ZNF654: variants seen among roughly 807,000 people sequenced by gnomAD.
ZNF654 encodes zinc finger protein 654.
In ZNF654, 19 loss-of-function variants were observed where a neutral mutation model predicts 95.3. The ratio of observed to expected loss-of-function variants is 0.20; its 90% confidence interval spans 0.14 to 0.29. The LOEUF (loss-of-function observed/expected upper bound fraction) is 0.29, where lower values mean the gene tolerates loss of function less well. Among genes scored for constraint, ZNF654 ranks in the 10% least tolerant of loss-of-function variants. ZNF654 has a pLI of 1.00. For synonymous variants in ZNF654, 413 were observed against 457.9 expected (o/e 0.90, Z 1.25); for missense variants, 1,046 against 1,341.0 (o/e 0.78, Z 3.44).
intron 1 of ZNF654, among the ~76,000 whole-genome samples, chr3:88,063,199 T>G (rs1025132191): frequency 6.6e-6 from 1 of 152,208 alleles, no homozygotes; most frequent in African/African-American, 2.4e-5. Flanking sequence ...GTGCACAGGA[T>G]GGCTCTAACA....
chr3:88,083,048 C>T (rs1439524942), intron 1 of ZNF654, among the ~76,000 whole-genome samples: 1 of 151,796 alleles, frequency 6.6e-6, no homozygotes, highest in Non-Finnish European at 1.5e-5. Flanking sequence ...CCTCACTCCT[C>T]CTCCCTCTTC....
At position 88,129,704 on chromosome 3, in the gene ZNF654, T is replaced by C. The variant is rs1706334000; in HGVS notation, c.771T>C (p.Asp257=). 1 of 1,498,580 alleles carries C rather than the reference T, an allele frequency of 6.7e-7. No individual in the cohort carries two copies. Among genetic ancestry groups the C allele is most frequent in the East Asian group, 2.5e-5 (1 of 40,526 alleles). 92.8% of individuals were successfully genotyped at this position (1,498,580 alleles called of 1,614,324 possible). A position where few individuals can be genotyped will look rare whatever the true frequency, so the allele number is the denominator to read the frequency against. ...TCTTACAGCATTTATTGAAAACTGATTGTAAGAGTGGAATTGATATCATCT... is the reference window on the plus strand; with the variant it reads ...TCTTACAGCATTTATTGAAAACTGACTGTAAGAGTGGAATTGATATCATCT... ...QLFREHLLKT[D]CKSGIDIICN... The change falls in exon 6 of 9, where the codon GAT becomes GAC. Residue 257 remains aspartate (D), a synonymous_variant. Transcript: ENST00000636215.
chr3:88,101,260 A>C (rs1317195649), intron 2 of ZNF654, among the ~76,000 whole-genome samples: 2 of 152,140 alleles, frequency 1.3e-5, no homozygotes, highest in Non-Finnish European at 2.9e-5. Context: ...AAGCTCCCTC[A>C]TGCTCATTTG....
At chr3:88,111,591 C>A (rs150249024) in intron 2 of ZNF654, among the ~76,000 whole-genome samples, 101 of 151,912 alleles carry the variant, frequency 6.6e-4, no homozygotes, top group Middle Eastern at 6.8e-3. Context: ...TTACCTAGTA[C>A]CCTATGGTAG....
intron 1 of ZNF654, among the ~76,000 whole-genome samples, chr3:88,061,395 A>T (rs1706875585): frequency 6.6e-6 from 1 of 152,202 alleles, no homozygotes; most frequent in African/African-American, 2.4e-5. Context: ...TATCCAAGGA[A>T]ATAAAACAGG....
intron 3 of ZNF654, 92 bp downstream of exon 3, chr3:88,113,288 A>G (rs1705202461): frequency 2.7e-6 from 2 of 729,454 alleles, no homozygotes; most frequent in South Asian, 2.2e-5. Flanking sequence ...ATTATTGCTT[A>G]TAAGTTTTTA....
intron 7 of ZNF654, among the ~76,000 whole-genome samples, chr3:88,137,019 A>G (rs1706828302): frequency 6.6e-6 from 1 of 151,936 alleles, no homozygotes; most frequent in Admixed American, 6.6e-5. Context: ...ACATGGTGAA[A>G]CCCCATCTCT....
intron 2 of ZNF654, among the ~76,000 whole-genome samples, chr3:88,103,762 CTTTT>C (rs56210218): frequency 7.2e-5 from 6 of 83,344 alleles, no homozygotes; most frequent in African/African-American, 1.7e-4. Flanking sequence ...GATGTATTAA[CTTTT>C]TTTTTTTTTT....
intron 2 of ZNF654, among the ~76,000 whole-genome samples, chr3:88,090,460 A>T (rs1389298442): frequency 1.3e-5 from 2 of 152,192 alleles, no homozygotes; most frequent in African/African-American, 4.8e-5. Context: ...ATATTTTTAT[A>T]CAGCTGTACA....
intron 1 of ZNF654, among the ~76,000 whole-genome samples, chr3:88,079,160 A>T (rs1261155291): frequency 6.6e-6 from 1 of 152,074 alleles, no homozygotes; most frequent in Non-Finnish European, 1.5e-5. Context: ...GGCTACATTA[A>T]TATTATCATC....
chr3:88,089,088 TA>T lies in ZNF654; in HGVS notation c.332+2693del, dbSNP rs984447513. 7.3e-5 allele frequency among the ~76,000 whole-genome samples: 11 copies of T among 151,476 alleles called. No individual in the cohort carries two copies. In the East Asian group the frequency reaches 1.4e-3, roughly 19 times the overall value. On this transcript the variant is annotated intron_variant, in intron 2 of 8. Coordinates refer to ENST00000636215, the MANE Select transcript of ZNF654 (RefSeq NM_001350134.2). ...ACGCCTGACCTAAAAAAAACTGTAT[TA>T]AAAAAATTATATTTATTTTGTGATG...
At chr3:88,068,683 T>C (rs1707335840) in intron 1 of ZNF654, among the ~76,000 whole-genome samples, 1 of 152,178 alleles carries the variant, frequency 6.6e-6, no homozygotes, top group African/African-American at 2.4e-5. Flanking sequence ...TTGAATGCTT[T>C]CCATGAATCA....
intron 1 of ZNF654, among the ~76,000 whole-genome samples, chr3:88,060,094 AG>A: frequency 6.6e-6 from 1 of 152,108 alleles, no homozygotes; most frequent in South Asian, 2.1e-4. Flanking sequence ...TCGGACAGAG[AG>A]TGCGTTAAGG....
chr3:88,060,663 A>G lies in ZNF654; in HGVS notation c.186+1158A>G, dbSNP rs73844845. Among the ~76,000 whole-genome samples, 1,278 of 152,306 alleles carry G rather than the reference A, an allele frequency of 8.4e-3. 13 individuals carry two copies. Among genetic ancestry groups the G allele is most frequent in the African/African-American group, 0.028 (1,145 of 41,558 alleles). On this transcript the variant is annotated intron_variant, in intron 1 of 8. Transcript: ENST00000636215. ...GAGTAATAGTTAAATAAATATGTGA[A>G]GGGTTTGAATCAGGTAGCTATTAAT...
intron 7 of ZNF654, 59 bp from the exon 8 acceptor site, chr3:88,138,646 C>T: frequency 2.0e-6 from 2 of 1,013,226 alleles, no homozygotes; most frequent in Non-Finnish European, 2.5e-6. Flanking sequence ...TAAAGATAGA[C>T]TAGTATAACC....
chr3:88,137,924 T>C (rs1706896038), intron 7 of ZNF654, among the ~76,000 whole-genome samples: 1 of 152,088 alleles, frequency 6.6e-6, no homozygotes, highest in Non-Finnish European at 1.5e-5. Flanking sequence ...GTTAAAGACA[T>C]TATTATGGTG....
intron 1 of ZNF654, among the ~76,000 whole-genome samples, chr3:88,076,608 C>A (rs1707816651): frequency 6.6e-6 from 1 of 151,982 alleles, no homozygotes; most frequent in East Asian, 1.9e-4. Context: ...AAATTTAGTT[C>A]TTGAAACCGA....
chr3:88,138,241 C>G (rs1230883371), intron 7 of ZNF654, among the ~76,000 whole-genome samples: 6 of 152,004 alleles, frequency 3.9e-5, no homozygotes, highest in Admixed American at 2.6e-4. Flanking sequence ...TCATATAGCA[C>G]TATAATAAAA....
Position 88,140,944 on chromosome 3 carries a change from G to T in ZNF654, c.3275G>T (p.Arg1092Ile). The T allele has an allele frequency of 6.2e-7, 1 of 1,613,496 alleles. No homozygotes were observed. The highest frequency in any genetic ancestry group is 8.5e-7 in the Non-Finnish European group (1 of 1,179,600). The change falls in exon 8 of 9, where the codon AGA (arginine) becomes ATA (isoleucine). Residue 1092 changes from arginine (R) to isoleucine (I), a missense_variant. Transcript: ENST00000636215. Reference protein sequence around the residue: ...NVYKKSVKRLRCGKCLTTYCN... With the variant: ...NVYKKSVKRLICGKCLTTYCN... ...TATAAAAAATCAGTGAAAAGATTAA[G>T]ATGTGGCAAATGCCTGACCACCTAC...
Sources: gnomAD v4.1 joint callset for allele counts (sites outside exome capture counted in the v4.1 genomes callset) on GRCh38, gnomAD v4.1.1 for gene constraint, MANE v1.5 for transcripts, NCBI Gene and HGNC (gene_info 2026-07-23, HGNC 2026-07-21) for gene names.